The following ETS1 variants were observed in gnomAD, a reference collection of about 807,000 sequenced individuals.
The protein encoded by ETS1 is ETS proto-oncogene 1, transcription factor.
A neutral mutation model predicts 58.6 loss-of-function variants in ETS1; 15 were observed. The observed-to-expected ratio is 0.26, with a 90% CI of 0.17 to 0.39. ETS1 has a LOEUF of 0.39. ETS1 is among the 10% of genes least tolerant of loss of function. ETS1 has a pLI of 1.00. For synonymous variants in ETS1, 214 were observed against 218.2 expected, an observed-to-expected ratio of 0.98 and a Z score of 0.17; for missense variants, 417 against 610.5, an observed-to-expected ratio of 0.68 and a Z score of 3.34.
chr11:128,481,936 C>T, intron 7 of ETS1, among the ~76,000 whole-genome samples: 1 of 152,120 alleles, frequency 6.6e-6, no homozygotes, highest in East Asian at 1.9e-4. Context: ...CTGCTTTAAA[C>T]AGAAAGGTGG....
At chr11:128,490,736 T>TTTGG (rs138317436) in intron 3 of ETS1, among the ~76,000 whole-genome samples, 160 bp from the exon 4 acceptor site, 1 of 138,166 alleles carries the variant, frequency 7.2e-6, no homozygotes, top group Non-Finnish European at 1.6e-5. Flanking sequence ...TTTTTTTTTT[T>TTTGG]GAGACGGAGT....
rs188026646 is a variant in ETS1, at chr11:128,543,737, C to T, written c.214+12554G>A. Among the ~76,000 whole-genome samples the T allele has an allele frequency of 3.6e-4, 55 of 152,240 alleles. 1 individual carries two copies. Among genetic ancestry groups the T allele is most frequent in the South Asian group, 4.1e-4 (2 of 4,822 alleles). On this transcript the variant is annotated intron_variant, in intron 3 of 9. Transcript: ENST00000392668. ...AAAAGGTTGTGAAAATTTTATCTTA[C>T]GTGATCGAACCAGAAGGATAATAAT...
chr11:128,492,975 CA>C, intron 3 of ETS1, among the ~76,000 whole-genome samples: 1 of 152,346 alleles, frequency 6.6e-6, no homozygotes, highest in South Asian at 2.1e-4. Flanking sequence ...CCATCCAACA[CA>C]AATTCATTAA....
At chr11:128,496,113 G>GT (rs1433556667) in intron 3 of ETS1, among the ~76,000 whole-genome samples, 1 of 151,988 alleles carries the variant, frequency 6.6e-6, no homozygotes. Context: ...TAGAGTTAAA[G>GT]TTCAATAAGA....
chr11:128,568,054 A>G (rs1864540772), intron 2 of ETS1, among the ~76,000 whole-genome samples: 1 of 152,202 alleles, frequency 6.6e-6, no homozygotes, highest in Non-Finnish European at 1.5e-5. Context: ...CCTCTTGGGC[A>G]TAGGTGCCTT....
In ETS1 at chr11:128,474,825, ACT is replaced by A. The variant is rs551239096; in HGVS notation, c.1123+5364_1123+5365del. Among the ~76,000 whole-genome samples the A allele has an allele frequency of 3.6e-3, 542 of 152,224 alleles. 4 individuals are homozygous for A. Among genetic ancestry groups the A allele is most frequent in the Non-Finnish European group, 6.0e-3 (411 of 67,998 alleles). ...AGCCTCTGAGCAAGAAAGGGAAGAC[ACT>A]CTGTTTCTGCCCTTCTCATTCCCAA... On this transcript the variant is annotated intron_variant, in intron 8 of 9. Coordinates refer to ENST00000392668, the MANE Select transcript of ETS1 (RefSeq NM_001143820.2).
At chr11:128,561,633 G>T (rs561342193) in intron 2 of ETS1, among the ~76,000 whole-genome samples, 1 of 152,266 alleles carries the variant, frequency 6.6e-6, no homozygotes, top group East Asian at 1.9e-4. Context: ...AGGAAAAATC[G>T]ACATGATTTT....
At chr11:128,566,699 C>T (rs538043216) in intron 2 of ETS1, among the ~76,000 whole-genome samples, 4 of 151,166 alleles carry the variant, frequency 2.6e-5, no homozygotes, top group Non-Finnish European at 2.9e-5. Flanking sequence ...AGGAGAATGG[C>T]GTGAATCTGG....
At chr11:128,473,825 G>C (rs946923981) in intron 8 of ETS1, among the ~76,000 whole-genome samples, 3 of 152,100 alleles carry the variant, frequency 2.0e-5, no homozygotes, top group South Asian at 2.1e-4. Flanking sequence ...TGCCAAGGGG[G>C]CAAAGGCAGG....
intron 8 of ETS1, among the ~76,000 whole-genome samples, chr11:128,479,163 C>CA (rs1862413055): frequency 6.6e-6 from 1 of 152,114 alleles, no homozygotes; most frequent in South Asian, 2.1e-4. Context: ...TCCCTGAATG[C>CA]AAAAATAAGG....
chr11:128,564,520 C>T lies in ETS1; in HGVS notation c.70-8085G>A, dbSNP rs114401561. Reference sequence around the variant, plus strand: ...ACAAAGTCGGAGGTAGTGCAGCCAACACCAACACTACAACTCATACCAGCC... The same window carrying T: ...ACAAAGTCGGAGGTAGTGCAGCCAATACCAACACTACAACTCATACCAGCC... On this transcript the variant is annotated intron_variant, in intron 2 of 9. Transcript: ENST00000392668. 5.2e-3 allele frequency among the ~76,000 whole-genome samples: 786 copies of T among 152,202 alleles called. 11 individuals are homozygous for T. Among genetic ancestry groups the T allele is most frequent in the African/African-American group, 0.017 (715 of 41,500 alleles).
chr11:128,547,917 T>C (rs1319799056), intron 3 of ETS1, among the ~76,000 whole-genome samples: 7 of 152,056 alleles, frequency 4.6e-5, no homozygotes, highest in African/African-American at 1.4e-4. Context: ...GGTTGCCCCA[T>C]GCTTCAGTGG....
intron 3 of ETS1, among the ~76,000 whole-genome samples, chr11:128,505,645 C>A (rs1267454771): frequency 6.6e-6 from 1 of 152,148 alleles, no homozygotes; most frequent in Non-Finnish European, 1.5e-5. Context: ...TGGTAAGTCG[C>A]CAGGCAGACC....
intron 3 of ETS1, among the ~76,000 whole-genome samples, chr11:128,520,713 G>A (rs1863644225): frequency 6.6e-6 from 1 of 152,186 alleles, no homozygotes; most frequent in Admixed American, 6.5e-5. Flanking sequence ...TGAATGTCAG[G>A]GGACCCAGAG....
At chr11:128,483,624 G>A (rs951811165) in intron 7 of ETS1, among the ~76,000 whole-genome samples, 4 of 152,212 alleles carry the variant, frequency 2.6e-5, no homozygotes, top group African/African-American at 9.7e-5. Flanking sequence ...GAAGATTAGG[G>A]GTTCTGATTT....
intron 2 of ETS1, among the ~76,000 whole-genome samples, chr11:128,562,086 G>A (rs1393354880): frequency 6.6e-6 from 1 of 152,226 alleles, no homozygotes; most frequent in African/African-American, 2.4e-5. Context: ...CACCAGGGGT[G>A]GTGAACAAGA....
At chr11:128,521,970 G>A (rs1345726211) in intron 3 of ETS1, 2 of 1,600,436 alleles carry the variant, frequency 1.2e-6, no homozygotes, top group South Asian at 1.1e-5. Flanking sequence ...GTGAGAGTCG[G>A]CTTGAGATCG....
intron 3 of ETS1, among the ~76,000 whole-genome samples, chr11:128,492,995 G>C (rs993399584): frequency 6.6e-6 from 1 of 152,196 alleles, no homozygotes; most frequent in African/African-American, 2.4e-5. Flanking sequence ...AACTTGAACT[G>C]TGTGGGTTTT....
At chr11:128,470,979 G>A (rs1320700792) in intron 8 of ETS1, among the ~76,000 whole-genome samples, 1 of 152,190 alleles carries the variant, frequency 6.6e-6, no homozygotes, top group Non-Finnish European at 1.5e-5. Flanking sequence ...GGCATATATG[G>A]TTTAGGGAAA....
Sources: gnomAD v4.1 joint callset for allele counts (sites outside exome capture counted in the v4.1 genomes callset) on GRCh38, gnomAD v4.1.1 for gene constraint, MANE v1.5 for transcripts, NCBI Gene and HGNC (gene_info 2026-07-23, HGNC 2026-07-21) for gene names.